The following OTX1 variants were observed in gnomAD, a reference collection of about 807,000 sequenced individuals.
The protein encoded by OTX1 is orthodenticle homeobox 1.
In OTX1, 7 loss-of-function variants were observed where a neutral mutation model predicts 26.7. The observed-to-expected ratio is 0.26, with a 90% CI of 0.15 to 0.49. The LOEUF (loss-of-function observed/expected upper bound fraction) is 0.49. Among genes scored for constraint, OTX1 ranks in the 20% least tolerant of loss-of-function variants. The pLI is 0.98. For missense variants in OTX1, 414 were observed against 483.8 expected, an observed-to-expected ratio of 0.86 and a Z score of 1.35; for synonymous variants, 216 against 212.8, an observed-to-expected ratio of 1.01 and a Z score of -0.13.
In OTX1 at chr2:63,056,281, A is replaced by G; in HGVS notation, c.1030A>G (p.Lys344Glu). The change falls in exon 5 of 5, where the codon AAG becomes GAG. Residue 344 changes from lysine (K) to glutamate (E), a missense_variant. Lys to Glu is a moderately conservative substitution (Grantham distance 56). This residue lies in a region of OTX1 where 320 missense variants were observed against 347.9 expected (regional missense o/e 0.92). Transcript: ENST00000282549. ...CAACTCCCCCGACTGTCTGGACTAT[A>G]AGGACCAAGCCTCATGGCGGTTCCA... Reference protein sequence around the residue: ...NFNSPDCLDYKDQASWRFQVL With the variant: ...NFNSPDCLDYEDQASWRFQVL 1 of 1,614,044 alleles carries G rather than the reference A, an allele frequency of 6.2e-7. No individual in the cohort carries two copies. Among genetic ancestry groups the G allele is most frequent in the Non-Finnish European group, 8.5e-7 (1 of 1,179,972 alleles).
At position 63,055,076 on chromosome 2, in the gene OTX1, C is replaced by A. The variant is rs906406929; in HGVS notation, c.250-425C>A. On this transcript the variant is annotated intron_variant, in intron 4 of 4. Transcript: ENST00000282549. This position sits in a 1 kb window ranked among gnomAD's most constrained non-coding sequence, Gnocchi z 5.2. ...GACTTGGTGACTGTTCCACACTCTT[C>A]GGCTCTGTACCTCTCCACTGTTGCC... 6.6e-6 allele frequency among the ~76,000 whole-genome samples: 1 copy of A among 152,240 alleles called. No individual in the cohort carries two copies. Among genetic ancestry groups the A allele is most frequent in the Non-Finnish European group, 1.5e-5 (1 of 68,048 alleles).
chr2:63,053,807 T>C (rs1214785115), intron 3 of OTX1: 1 of 535,296 alleles, frequency 1.9e-6, no homozygotes, highest in Non-Finnish European at 3.3e-6. Context: ...TTTTAACCTC[T>C]GAGAGGCATA....
In OTX1 at chr2:63,057,598, C is replaced by T. The variant is rs1220909779; in HGVS notation, c.*1282C>T. ...CTCTGTCGGCTTCTCTCTTTCAACA[C>T]CCTTGTTTTGTCTAGTGAGTTTTTA... On this transcript the variant is annotated 3_prime_UTR_variant, in exon 5 of 5. Coordinates refer to ENST00000282549, the MANE Select transcript of OTX1 (RefSeq NM_014562.4). 6.6e-6 allele frequency: 1 copy of T among 152,222 alleles called. No individual in the cohort carries two copies. The highest frequency in any genetic ancestry group is 1.5e-5 in the Non-Finnish European group (1 of 68,054). The allele number at this position is 152,222 out of a possible 1,614,324, so 9.4% of individuals were successfully genotyped here. A position where few individuals can be genotyped will look rare whatever the true frequency, so the allele number is the denominator to read the frequency against.
chr2:63,055,604 G>GC lies in OTX1; in HGVS notation c.354dup (p.Ser119LeufsTer22). 1 of 1,614,178 alleles carries GC rather than the reference G, an allele frequency of 6.2e-7. No individual in the cohort carries two copies. The highest frequency in any genetic ancestry group is 8.5e-7 in the Non-Finnish European group (1 of 1,180,042). ...AAGAAGTCCTCTCCAGTGCGGGAGA[G>GC]CTCGGGCTCCGAAAGCAGTGGCCAA... On this transcript the variant is annotated frameshift_variant, in exon 5 of 5. Transcript: ENST00000282549. LOFTEE classifies it high-confidence loss of function. This position sits in a 1 kb window ranked among gnomAD's most constrained non-coding sequence, Gnocchi z 5.2.
rs763751222 is a variant in OTX1, at chr2:63,056,264, CCG to C, written c.1014_1015del (p.Asp339LeufsTer5). On this transcript the variant is annotated frameshift_variant, in exon 5 of 5. Transcript: ENST00000282549. LOFTEE classifies it high-confidence loss of function. Reference sequence around the variant, plus strand: ...GCCTGGAAACTCAACTTCAACTCCCCCGACTGTCTGGACTATAAGGACCAAGC... The same window carrying C: ...GCCTGGAAACTCAACTTCAACTCCCCACTGTCTGGACTATAAGGACCAAGC... The C allele has an allele frequency of 6.2e-7, 1 of 1,614,126 alleles. No homozygotes were observed. Among genetic ancestry groups the C allele is most frequent in the Non-Finnish European group, 8.5e-7 (1 of 1,180,020 alleles).
rs1384906604 is a variant in OTX1 at position 63,055,109 on chromosome 2, T to TG, written c.250-391dup. ...TACCTCTCCACTGTTGCCTGAGCTC[T>TG]GTTAGTAGAAAACTGGGCCTCCAAA... is the stretch of plus-strand genomic sequence containing the variant. On this transcript the variant is annotated intron_variant, in intron 4 of 4. Transcript: ENST00000282549. The surrounding 1 kb of genome is among the most constrained non-coding windows in gnomAD (Gnocchi z 5.2). 6.6e-6 allele frequency among the ~76,000 whole-genome samples: 1 copy of TG among 152,242 alleles called. No homozygotes were observed. The highest frequency in any genetic ancestry group is 1.5e-5 in the Non-Finnish European group (1 of 68,042).
upstream of OTX1, among the ~76,000 whole-genome samples, chr2:63,049,874 T>C (rs550422481): frequency 6.6e-6 from 1 of 152,076 alleles, no homozygotes; most frequent in Non-Finnish European, 1.5e-5. The surrounding 1 kb of genome is among the most constrained non-coding windows in gnomAD (Gnocchi z 4.8). Flanking sequence ...TCCGGGGAAA[T>C]CGCCTCAAGG....
intron 3 of OTX1, chr2:63,053,443 C>T (rs1216638740): frequency 1.6e-5 from 4 of 244,434 alleles, no homozygotes. Flanking sequence ...GTAATCTGGA[C>T]ACTCGTTAGG....
chr2:63,054,984 C>G (rs2062053162), intron 4 of OTX1, among the ~76,000 whole-genome samples: 1 of 152,210 alleles, frequency 6.6e-6, no homozygotes, highest in Non-Finnish European at 1.5e-5. Context: ...CTCCTACCCC[C>G]ACCCAAATAC....
At chr2:63,054,233 GGA>G in intron 4 of OTX1, 35 bp downstream of exon 4, 1 of 1,541,056 alleles carries the variant, frequency 6.5e-7, no homozygotes, top group Non-Finnish European at 8.7e-7. Flanking sequence ...TCTGGGTAGG[GGA>G]GCTGAGGCTG....
chr2:63,055,577 A>C lies in OTX1; in HGVS notation c.326A>C (p.Lys109Thr), dbSNP rs761699291. The C allele has an allele frequency of 6.2e-7, 1 of 1,613,662 alleles. No homozygotes were observed. The highest frequency in any genetic ancestry group is 8.5e-7 in the Non-Finnish European group (1 of 1,179,568). The stretch of plus-strand genomic sequence containing the variant: ...AGCGGAACCAAGAGCCGCCCAGCCA[A>C]GAAGAAGTCCTCTCCAGTGCGGGAG... ...SGSGTKSRPA[K>T]KKSSPVRESS... is the part of the protein sequence containing the mutation. Residue 109 changes from lysine to threonine, a missense_variant, in exon 5 of 5, where the codon AAG becomes ACG. Physicochemically the swap from Lys to Thr is moderately conservative, Grantham distance 78 (BLOSUM62 -1). Coordinates refer to ENST00000282549, the MANE Select transcript of OTX1 (RefSeq NM_014562.4). The surrounding 1 kb of genome is among the most constrained non-coding windows in gnomAD (Gnocchi z 5.2).
At position 63,054,065 on chromosome 2, in the gene OTX1, G is replaced by A; in HGVS notation, c.116G>A (p.Arg39Gln). The A allele has an allele frequency of 6.2e-7, 1 of 1,606,384 alleles. No individual in the cohort carries two copies. The highest frequency in any genetic ancestry group is 8.5e-7 in the Non-Finnish European group (1 of 1,177,158). ...CCCGCAGCCACTCCGCGGAAGCAGC[G>A]GCGGGAGCGCACCACCTTCACGCGT... ...VGYPATPRKQ[R>Q]RERTTFTRSQ... is the part of the protein sequence containing the mutation. The change falls in exon 4 of 5, where the codon CGG becomes CAG. Residue 39 changes from arginine (R) to glutamine (Q), a missense_variant. By Grantham distance (43) the Arg-to-Gln change is conservative. Around this residue, in one of 3 missense-constraint regions of OTX1, gnomAD observed 46 missense variants for 94.3 expected, o/e 0.49. Transcript: ENST00000282549.
intron 3 of OTX1, 69 bp from the exon 4 acceptor site, chr2:63,053,978 T>C (rs1348807905): frequency 6.5e-7 from 1 of 1,548,098 alleles, no homozygotes; most frequent in South Asian, 1.2e-5. Flanking sequence ...GCCAGGGGCC[T>C]GCCCGAGTCC....
In OTX1 at chr2:63,056,639, C is replaced by A; in HGVS notation, c.*323C>A. 2 of 379,568 alleles carry A rather than the reference C, an allele frequency of 5.3e-6. No individual in the cohort carries two copies. The highest frequency in any genetic ancestry group is 9.7e-6 in the Non-Finnish European group (2 of 206,854). 23.5% of individuals were successfully genotyped at this position (379,568 alleles called of 1,614,324 possible). A position where few individuals can be genotyped will look rare whatever the true frequency, so the allele number is the denominator to read the frequency against. On this transcript the variant is annotated 3_prime_UTR_variant, in exon 5 of 5. Coordinates refer to ENST00000282549, the MANE Select transcript of OTX1 (RefSeq NM_014562.4). ...CTCCCCTTCCAGTCTTTCTGGACAGCTATTAAGCACTTGCAGCCTTCGGAG... is the reference window on the plus strand; with the variant it reads ...CTCCCCTTCCAGTCTTTCTGGACAGATATTAAGCACTTGCAGCCTTCGGAG...
rs1397835003 is a variant in OTX1, at chr2:63,056,496, G to T, written c.*180G>T. On this transcript the variant is annotated 3_prime_UTR_variant, in exon 5 of 5. Transcript: ENST00000282549. ...CATTTTTGTGCCACTTGCTTGGGGG[G>T]ATGTGCAAACCCACCCTGCCCCTTG... 5 of 645,358 alleles carry T rather than the reference G, an allele frequency of 7.7e-6. No individual in the cohort carries two copies. Among genetic ancestry groups the T allele is most frequent in the African/African-American group, 3.7e-5 (2 of 54,638 alleles). 40.0% of individuals were successfully genotyped at this position (645,358 alleles called of 1,614,324 possible).
At position 63,056,057 on chromosome 2, in the gene OTX1, C is replaced by A; in HGVS notation, c.806C>A (p.Pro269His). 1 of 1,613,424 alleles carries A rather than the reference C, an allele frequency of 6.2e-7. No individual in the cohort carries two copies. Among genetic ancestry groups the A allele is most frequent in the Non-Finnish European group, 8.5e-7 (1 of 1,179,512 alleles). Reference sequence around the variant, plus strand: ...CCGCACCAGCTCAGCCCCATGGCACCCTCCTCCATGGCGGGCCACCATCAT... The same window carrying A: ...CCGCACCAGCTCAGCCCCATGGCACACTCCTCCATGGCGGGCCACCATCAT... Reference protein sequence around the residue: ...HHPHQLSPMAPSSMAGHHHHH... With the variant: ...HHPHQLSPMAHSSMAGHHHHH... Residue 269 changes from proline to histidine, a missense_variant, in exon 5 of 5, where the codon CCC becomes CAC. Physicochemically the swap from Pro to His is moderately conservative, Grantham distance 77. This residue lies in a region of OTX1 where 320 missense variants were observed against 347.9 expected (regional missense o/e 0.92). Transcript: ENST00000282549.
upstream of OTX1, among the ~76,000 whole-genome samples, chr2:63,050,510 G>A (rs1481227767): frequency 1.3e-5 from 2 of 152,190 alleles, no homozygotes; most frequent in African/African-American, 4.8e-5. Context: ...GAAGGGCGGG[G>A]GCGCCCAGGG....
At position 63,056,346 on chromosome 2, in the gene OTX1, A is replaced by C. The variant is rs763267835; in HGVS notation, c.*30A>C. On this transcript the variant is annotated 3_prime_UTR_variant, in exon 5 of 5. Transcript: ENST00000282549. ...AGGAATGAAAGAGGAGAAGAAACGC[A>C]ACTACCTGCGCCCTCCGTGGTCCCG... The C allele has an allele frequency of 1.9e-6, 3 of 1,568,454 alleles. No individual in the cohort carries two copies. Among genetic ancestry groups the C allele is most frequent in the Non-Finnish European group, 2.6e-6 (3 of 1,147,692 alleles).
Position 63,052,917 on chromosome 2 carries a change from G to C in OTX1, c.-74G>C. 3.3e-6 allele frequency: 3 copies of C among 919,252 alleles called. No individual in the cohort carries two copies. The highest frequency in any genetic ancestry group is 5.2e-6 in the Non-Finnish European group (3 of 578,394). 56.9% of individuals were successfully genotyped at this position (919,252 alleles called of 1,614,324 possible). ...GACGCATCAGACCCTGAAGGACTGC[G>C]TGGTGGGAGCCCTGCACCGCTCCTG... On this transcript the variant is annotated 5_prime_UTR_variant, in exon 3 of 5. Coordinates refer to ENST00000282549, the MANE Select transcript of OTX1 (RefSeq NM_014562.4).
Sources: gnomAD v4.1 joint callset for allele counts (sites outside exome capture counted in the v4.1 genomes callset) on GRCh38, gnomAD v4.1.1 for gene constraint, gnomAD v4.1.1 regional missense constraint, Gnocchi (gnomAD v3.1) non-coding constraint, MANE v1.5 for transcripts, NCBI Gene and HGNC (gene_info 2026-07-23, HGNC 2026-07-21) for gene names.